ALKBH8: variants seen among roughly 807,000 people sequenced by gnomAD.
ALKBH8 encodes alkB homolog 8, tRNA methyltransferase.
In ALKBH8, 36 loss-of-function variants were observed where a neutral mutation model predicts 59.8. That is an observed-to-expected ratio of 0.60 (90% CI 0.46 to 0.79). ALKBH8 has a LOEUF of 0.79. Among genes scored for constraint, ALKBH8 ranks in the 30% least tolerant of loss-of-function variants. ALKBH8 has a pLI of 0.00. For synonymous variants in ALKBH8, 276 were observed against 273.6 expected (o/e 1.01, Z -0.09); for missense variants, 768 against 801.0 (o/e 0.96, Z 0.50).
At chr11:107,509,268 G>T (rs1430137249) in intron 11 of ALKBH8, among the ~76,000 whole-genome samples, 1 of 152,160 alleles carries the variant, frequency 6.6e-6, no homozygotes, top group African/African-American at 2.4e-5. Context: ...TAGTGATGCT[G>T]AGTATCTTTT....
chr11:107,517,553 T>C (rs2135488444), intron 10 of ALKBH8, among the ~76,000 whole-genome samples: 1 of 152,328 alleles, frequency 6.6e-6, no homozygotes, highest in South Asian at 2.1e-4. Context: ...AAACATGGTA[T>C]ATATACCCAA....
intron 7 of ALKBH8, among the ~76,000 whole-genome samples, chr11:107,547,916 T>TTTCC (rs1864333290): frequency 6.6e-6 from 1 of 152,168 alleles, no homozygotes; most frequent in Admixed American, 6.5e-5. Flanking sequence ...AAGGGCAAAT[T>TTTCC]TTCCCTTCTT....
At chr11:107,560,414 TATC>T (rs1308195781) in intron 2 of ALKBH8, among the ~76,000 whole-genome samples, 1 of 152,172 alleles carries the variant, frequency 6.6e-6, no homozygotes, top group African/African-American at 2.4e-5. Flanking sequence ...AATGGAGACA[TATC>T]ATAACCTCTC....
At chr11:107,549,409 T>G (rs563461893) in intron 7 of ALKBH8, among the ~76,000 whole-genome samples, 1 of 152,342 alleles carries the variant, frequency 6.6e-6, no homozygotes, top group Admixed American at 6.5e-5. Flanking sequence ...TTCCTTTTTC[T>G]ATGGCATGAA....
chr11:107,511,988 T>C (rs535356556), intron 10 of ALKBH8, among the ~76,000 whole-genome samples: 1 of 152,314 alleles, frequency 6.6e-6, no homozygotes, highest in East Asian at 1.9e-4. Context: ...AGTCTTTTCA[T>C]ATACCCAAAC....
At chr11:107,510,743 C>G (rs1862586141) in intron 11 of ALKBH8, 144 bp downstream of exon 11, 1 of 887,970 alleles carries the variant, frequency 1.1e-6, no homozygotes, top group Non-Finnish European at 1.7e-6. Context: ...TCTGCATGCT[C>G]TCTTACAAAG....
At chr11:107,506,906 A>G (rs1259686488) in intron 11 of ALKBH8, among the ~76,000 whole-genome samples, 1 of 152,166 alleles carries the variant, frequency 6.6e-6, no homozygotes, top group Non-Finnish European at 1.5e-5. Context: ...GAAGGTTGAG[A>G]GCTTAAAACA....
intron 3 of ALKBH8, among the ~76,000 whole-genome samples, chr11:107,556,365 T>C (rs497226): frequency 6.6e-6 from 1 of 152,208 alleles, no homozygotes; most frequent in East Asian, 1.9e-4. Flanking sequence ...ATATGAAGAT[T>C]GGTACATGAT....
intron 10 of ALKBH8, among the ~76,000 whole-genome samples, chr11:107,513,053 A>T (rs1862706671): frequency 6.6e-6 from 1 of 152,260 alleles, no homozygotes; most frequent in Admixed American, 6.5e-5. Context: ...GACAAATGGG[A>T]CCTAATTAAA....
chr11:107,565,346 G>T (rs976073276), intron 1 of ALKBH8: 6 of 576,878 alleles, frequency 1.0e-5, no homozygotes, highest in Admixed American at 6.2e-5. Flanking sequence ...CAACCCCAAA[G>T]AAAACAGAAG....
intron 11 of ALKBH8, 83 bp from the exon 12 acceptor site, chr11:107,505,298 A>G: frequency 2.9e-6 from 3 of 1,041,228 alleles, no homozygotes; most frequent in Non-Finnish European, 4.0e-6. Flanking sequence ...ACTGTTTTCA[A>G]TTAGGATGAA....
intron 10 of ALKBH8, among the ~76,000 whole-genome samples, chr11:107,512,117 G>C (rs1035820164): frequency 6.6e-6 from 1 of 151,888 alleles, no homozygotes; most frequent in Non-Finnish European, 1.5e-5. Flanking sequence ...TTTAGGAGCT[G>C]GGATTTCCCA....
At chr11:107,544,996 G>C (rs1372710071) in intron 7 of ALKBH8, among the ~76,000 whole-genome samples, 1 of 152,100 alleles carries the variant, frequency 6.6e-6, no homozygotes, top group Non-Finnish European at 1.5e-5. Context: ...CTACACAGCA[G>C]AGACAATCCA....
chr11:107,505,700 G>C (rs756249797), intron 11 of ALKBH8, among the ~76,000 whole-genome samples: 1 of 152,250 alleles, frequency 6.6e-6, no homozygotes, highest in Non-Finnish European at 1.5e-5. Flanking sequence ...AGGCACTGGA[G>C]AGTAACACTG....
At chr11:107,556,519 A>G (rs673796) in intron 3 of ALKBH8, among the ~76,000 whole-genome samples, 5,503 of 152,310 alleles carry the variant, frequency 0.036, 153 homozygotes, top group Middle Eastern at 0.068. Context: ...CATGTGCCTA[A>G]TAAATATATT....
intron 8 of ALKBH8, among the ~76,000 whole-genome samples, chr11:107,528,939 T>TA (rs1863462613): frequency 6.6e-6 from 1 of 152,200 alleles, no homozygotes; most frequent in Non-Finnish European, 1.5e-5. Context: ...TTCAAGTTTA[T>TA]GTAGTCAGGA....
rs73555504 is a variant in ALKBH8, at chr11:107,555,360, T to C, written c.368-1382A>G. ...ATTGCCAGAGCCTTAAAAGTACATA[T>C]GGATCTAATGAAGAATTTCAAATAA... On this transcript the variant is annotated intron_variant, in intron 3 of 11. Coordinates refer to ENST00000428149, the MANE Select transcript of ALKBH8 (RefSeq NM_138775.3). Among the ~76,000 whole-genome samples, 751 of 152,352 alleles carry C rather than the reference T, an allele frequency of 4.9e-3. 6 individuals carry two copies. The highest frequency in any genetic ancestry group is 0.017 in the African/African-American group (726 of 41,572).
At chr11:107,560,275 A>C (rs1358107007) in intron 2 of ALKBH8, among the ~76,000 whole-genome samples, 3 of 152,236 alleles carry the variant, frequency 2.0e-5, no homozygotes, top group Non-Finnish European at 4.4e-5. Flanking sequence ...ATAAAATAAA[A>C]ATGTTTAACA....
chr11:107,511,107 C>A, intron 10 of ALKBH8, 71 bp from the exon 11 acceptor site: 1 of 1,470,200 alleles, frequency 6.8e-7, no homozygotes. Context: ...TGAACTTATT[C>A]CATACCTTAA....
Sources: allele counts gnomAD v4.1 joint callset (sites outside exome capture counted in the v4.1 genomes callset), GRCh38; gene constraint gnomAD v4.1.1; transcripts MANE v1.5; gene names NCBI Gene and HGNC (gene_info 2026-07-23, HGNC 2026-07-21).